The following NRG3 variants were observed in gnomAD, a reference collection of about 807,000 sequenced individuals.
The protein encoded by NRG3 is pro-neuregulin-3, membrane-bound isoform.
Under a neutral mutation model 66.9 loss-of-function variants are expected in NRG3, and 31 were observed. The ratio of observed to expected loss-of-function variants is 0.46; its 90% confidence interval spans 0.35 to 0.63. NRG3 has a LOEUF of 0.63. Among genes scored for constraint, NRG3 ranks in the 20% least tolerant of loss-of-function variants. NRG3 has a pLI of 0.00. For missense variants in NRG3, 910 were observed against 878.9 expected (o/e 1.04, Z -0.45); for synonymous variants, 393 against 359.4 (o/e 1.09, Z -1.06).
chr10:82,441,267 T>C (rs1179560859), intron 2 of NRG3, among the ~76,000 whole-genome samples: 1 of 152,268 alleles, frequency 6.6e-6, no homozygotes, highest in Non-Finnish European at 1.5e-5. Flanking sequence ...TATATTGGTA[T>C]TCAAGTGGGA....
rs530760321 is a variant in NRG3, at chr10:82,255,938, T to A, written c.824-102801T>A. Among the ~76,000 whole-genome samples, 68 of 151,300 alleles carry A rather than the reference T, an allele frequency of 4.5e-4. No homozygotes were observed. The South Asian group carries it at 6.3e-3, about 14-fold the overall frequency. On this transcript the variant is annotated intron_variant, in intron 1 of 8. Coordinates refer to ENST00000372141, the MANE Select transcript of NRG3 (RefSeq NM_001010848.4). ...ATAAATCTGAAACTTTTCCTTTTTT[T>A]CTTGAGATGGAGTCTCGCTCTGTCA... is the stretch of plus-strand genomic sequence containing the variant.
At chr10:82,893,516 C>T (rs1843365141) in intron 4 of NRG3, among the ~76,000 whole-genome samples, 3 of 151,992 alleles carry the variant, frequency 2.0e-5, no homozygotes, top group Admixed American at 6.6e-5. Flanking sequence ...GGTGAAACCC[C>T]GTCTCTACTA....
In NRG3 at chr10:82,355,839, T is replaced by G. The variant is rs534041994; in HGVS notation, c.824-2900T>G. Among the ~76,000 whole-genome samples the G allele has an allele frequency of 2.0e-5, 3 of 152,336 alleles. No homozygotes were observed. The South Asian group carries it at 6.2e-4, about 32-fold the overall frequency. On this transcript the variant is annotated intron_variant, in intron 1 of 8. Transcript: ENST00000372141. ...CATAGGTATATTCTAAGGTTTCAAA[T>G]GTATTGATAATTGCAGTTATTTACT...
chr10:82,417,980 G>A (rs1319776875), intron 2 of NRG3, among the ~76,000 whole-genome samples: 11 of 152,222 alleles, frequency 7.2e-5, no homozygotes. Flanking sequence ...TTTGTGAAAG[G>A]AAATTTCAAT....
chr10:81,914,769 C>CAAAAAAAAAAAAAA (rs58460918), intron 1 of NRG3, among the ~76,000 whole-genome samples: 12 of 67,200 alleles, frequency 1.8e-4, no homozygotes, highest in African/African-American at 3.9e-4. Flanking sequence ...AAACAGAAAG[C>CAAAAAAAAAAAAAA]AAAAAAAAAA....
chr10:82,097,877 G>A (rs1049655353), intron 1 of NRG3, among the ~76,000 whole-genome samples: 5 of 152,030 alleles, frequency 3.3e-5, no homozygotes, highest in Admixed American at 6.6e-5. Context: ...ACATATGTTT[G>A]TGATTATTTG....
intron 2 of NRG3, among the ~76,000 whole-genome samples, chr10:82,521,628 C>A (rs1333409836): frequency 6.6e-6 from 1 of 152,114 alleles, no homozygotes; most frequent in African/African-American, 2.4e-5. Context: ...GCATGGCCAC[C>A]GTGCCCGGCC....
intron 2 of NRG3, among the ~76,000 whole-genome samples, chr10:82,470,100 T>C (rs1841105238): frequency 6.6e-6 from 1 of 152,212 alleles, no homozygotes; most frequent in African/African-American, 2.4e-5. Flanking sequence ...TTATAACCTG[T>C]TTCTGAGATG....
At chr10:81,980,697 A>C (rs778943397) in intron 1 of NRG3, among the ~76,000 whole-genome samples, 1 of 152,154 alleles carries the variant, frequency 6.6e-6, no homozygotes, top group Non-Finnish European at 1.5e-5. Context: ...ATATCATATA[A>C]TAGGTGCTTT....
chr10:81,988,604 G>A (rs780367525), intron 1 of NRG3, among the ~76,000 whole-genome samples: 1 of 152,166 alleles, frequency 6.6e-6, no homozygotes, highest in Non-Finnish European at 1.5e-5. Flanking sequence ...AGGGTGCCTA[G>A]AGAATATTTG....
rs147759240 is a variant in NRG3, at chr10:82,456,137, C to CTT, written c.953+97288_953+97289dup. 3.2e-3 allele frequency among the ~76,000 whole-genome samples: 282 copies of CTT among 88,782 alleles called. 5 individuals are homozygous for CTT. Among genetic ancestry groups the CTT allele is most frequent in the East Asian group, 0.018 (54 of 3,060 alleles). The allele number at this position is 88,782 out of a possible 152,430, so 58.2% of individuals were successfully genotyped here. ...TACTATTTAAAATATTTTTCTGTCACTTTTTTTTTTTTTTTTTTTTGGTAG... is the reference window on the plus strand; with the variant it reads ...TACTATTTAAAATATTTTTCTGTCACTTTTTTTTTTTTTTTTTTTTTTGGTAG... On this transcript the variant is annotated intron_variant, in intron 2 of 8. Coordinates refer to ENST00000372141, the MANE Select transcript of NRG3 (RefSeq NM_001010848.4).
At chr10:82,677,676 GAAGA>G (rs1452045826) in intron 2 of NRG3, among the ~76,000 whole-genome samples, 3 of 152,120 alleles carry the variant, frequency 2.0e-5, no homozygotes, top group African/African-American at 7.2e-5. Flanking sequence ...TTGATCCTCA[GAAGA>G]AAGAATTTGA....
intron 2 of NRG3, among the ~76,000 whole-genome samples, chr10:82,666,349 G>C (rs1395247711): frequency 5.9e-5 from 9 of 152,036 alleles, no homozygotes; most frequent in Admixed American, 5.9e-4. Flanking sequence ...TCCCTTGACT[G>C]TCTTAATGGA....
chr10:82,655,777 T>G (rs1385339596), intron 2 of NRG3, among the ~76,000 whole-genome samples: 1 of 152,208 alleles, frequency 6.6e-6, no homozygotes, highest in East Asian at 1.9e-4. Context: ...TAAAACAGAA[T>G]ATTATGTGAC....
chr10:81,915,252 A>G (rs921225983), intron 1 of NRG3, among the ~76,000 whole-genome samples: 1 of 152,070 alleles, frequency 6.6e-6, no homozygotes, highest in Admixed American at 6.6e-5. Context: ...CCATCCTCAG[A>G]CCCTCAAGTG....
chr10:82,967,432 C>G (rs112924550), intron 6 of NRG3, among the ~76,000 whole-genome samples: 293 of 152,172 alleles, frequency 1.9e-3, no homozygotes, highest in African/African-American at 6.8e-3. Flanking sequence ...TTCCCACTGT[C>G]TATTATTCAT....
chr10:82,444,581 G>A (rs1043496186), intron 2 of NRG3, among the ~76,000 whole-genome samples: 4 of 152,140 alleles, frequency 2.6e-5, no homozygotes, highest in African/African-American at 9.7e-5. Context: ...GGGAAAATGA[G>A]GGGAGGGCCT....
At chr10:82,309,214 C>T (rs1446254969) in intron 1 of NRG3, among the ~76,000 whole-genome samples, 3 of 152,146 alleles carry the variant, frequency 2.0e-5, no homozygotes, top group Non-Finnish European at 4.4e-5. Context: ...AAGCCACGAT[C>T]GCCCATTCTC....
chr10:82,876,930 G>A (rs1249500627), intron 4 of NRG3, among the ~76,000 whole-genome samples: 5 of 151,816 alleles, frequency 3.3e-5, no homozygotes, highest in African/African-American at 1.2e-4. Context: ...GGCTGCGGCA[G>A]GAGAATCTCT....
Sources: allele counts gnomAD v4.1 joint callset (sites outside exome capture counted in the v4.1 genomes callset), GRCh38; gene constraint gnomAD v4.1.1; transcripts MANE v1.5; gene names NCBI Gene and HGNC (gene_info 2026-07-23, HGNC 2026-07-21).